SHROOM3: variants seen among roughly 807,000 people sequenced by gnomAD.
SHROOM3 encodes shroom family member 3.
In SHROOM3, 47 loss-of-function variants were observed where a neutral mutation model predicts 138.6. The ratio of observed to expected loss-of-function variants is 0.34; its 90% CI spans 0.27 to 0.43. The LOEUF (loss-of-function observed/expected upper bound fraction) is 0.43. Ranked by LOEUF, SHROOM3 falls within the 20% of genes least tolerant of loss-of-function variation. SHROOM3 has a pLI of 1.00. For missense variants in SHROOM3, 2,491 were observed against 2,596.5 expected, an observed-to-expected ratio of 0.96 and a Z score of 0.88; for synonymous variants, 1,062 against 1,063.3, an observed-to-expected ratio of 1.00 and a Z score of 0.02.
intron 2 of SHROOM3, among the ~76,000 whole-genome samples, chr4:76,585,326 T>C (rs1380218939): frequency 6.6e-6 from 1 of 152,238 alleles, no homozygotes; most frequent in Non-Finnish European, 1.5e-5. Context: ...TATTTTCCCA[T>C]CATGATGGCT....
intron 2 of SHROOM3, among the ~76,000 whole-genome samples, chr4:76,563,369 C>G (rs1016237704): frequency 1.3e-5 from 2 of 152,066 alleles, no homozygotes; most frequent in Non-Finnish European, 2.9e-5. Context: ...CCAACTAGGC[C>G]CAAGTTCAGA....
chr4:76,459,664 G>T (rs1424414182), intron 1 of SHROOM3, among the ~76,000 whole-genome samples: 1 of 151,956 alleles, frequency 6.6e-6, no homozygotes, highest in African/African-American at 2.4e-5. Context: ...TGCAGTCTAG[G>T]CTAAGGCACA....
chr4:76,612,055 C>T (rs928954248), intron 2 of SHROOM3, among the ~76,000 whole-genome samples: 9 of 152,218 alleles, frequency 5.9e-5, no homozygotes, highest in Non-Finnish European at 1.3e-4. Flanking sequence ...GCCTCTGCCT[C>T]CTCTCATTGT....
At chr4:76,707,323 T>C (rs1720086770) in intron 2 of SHROOM3, among the ~76,000 whole-genome samples, 1 of 152,212 alleles carries the variant, frequency 6.6e-6, no homozygotes, top group African/African-American at 2.4e-5. Context: ...CATGTGTGGT[T>C]TGAGCAAATT....
intron 2 of SHROOM3, among the ~76,000 whole-genome samples, chr4:76,623,569 T>G (rs1014771841): frequency 2.6e-5 from 4 of 152,232 alleles, no homozygotes; most frequent in Non-Finnish European, 5.9e-5. Context: ...ACATTCTACA[T>G]TTTTCTTATC....
In SHROOM3 at chr4:76,696,490, G is replaced by C. The variant is rs372898506; in HGVS notation, c.324-13666G>C. 7.2e-5 allele frequency among the ~76,000 whole-genome samples: 11 copies of C among 152,286 alleles called. No homozygotes were observed. In the East Asian group the frequency reaches 1.5e-3, roughly 21 times the overall value. ...CACAGTCCAGTACCTTCTCTTTGTCGTGGGTTCTATACCTTTCCCAGGCTT... is the reference window on the plus strand; with the variant it reads ...CACAGTCCAGTACCTTCTCTTTGTCCTGGGTTCTATACCTTTCCCAGGCTT... On this transcript the variant is annotated intron_variant, in intron 2 of 10. Transcript: ENST00000296043.
At chr4:76,623,868 A>G (rs938054287) in intron 2 of SHROOM3, among the ~76,000 whole-genome samples, 3 of 152,188 alleles carry the variant, frequency 2.0e-5, no homozygotes, top group Admixed American at 2.0e-4. Flanking sequence ...GGAGAAAGAT[A>G]TTCCTTGCAT....
chr4:76,598,241 TG>T (rs550927412), intron 2 of SHROOM3, among the ~76,000 whole-genome samples: 1 of 152,058 alleles, frequency 6.6e-6, no homozygotes, highest in African/African-American at 2.4e-5. Context: ...TTAGCCAGGA[TG>T]GTCTCGATCT....
intron 1 of SHROOM3, among the ~76,000 whole-genome samples, chr4:76,455,544 AT>A (rs1475146193): frequency 6.6e-6 from 1 of 152,076 alleles, no homozygotes; most frequent in Non-Finnish European, 1.5e-5. Flanking sequence ...TTAATACTGT[AT>A]AAAAAGAACT....
chr4:76,524,850 T>A (rs536737643), intron 1 of SHROOM3, among the ~76,000 whole-genome samples: 1 of 152,098 alleles, frequency 6.6e-6, no homozygotes, highest in Non-Finnish European at 1.5e-5. Flanking sequence ...GCTGATGAGA[T>A]GTGTAGGCTC....
intron 3 of SHROOM3, among the ~76,000 whole-genome samples, chr4:76,715,557 T>A (rs1044750317): frequency 6.6e-6 from 1 of 152,216 alleles, no homozygotes; most frequent in African/African-American, 2.4e-5. Context: ...AGCCGATGCT[T>A]TTCTCCATAA....
At chr4:76,645,974 C>T (rs1735804779) in intron 2 of SHROOM3, among the ~76,000 whole-genome samples, 2 of 151,970 alleles carry the variant, frequency 1.3e-5, no homozygotes. Flanking sequence ...GATACATTTT[C>T]CAACAGTCCC....
intron 5 of SHROOM3, among the ~76,000 whole-genome samples, chr4:76,743,410 A>G (rs1460854725): frequency 6.6e-6 from 1 of 152,220 alleles, no homozygotes; most frequent in Admixed American, 6.5e-5. Flanking sequence ...AAACAAAGTC[A>G]TCATGGAAAT....
At chr4:76,481,579 C>G (rs770951870) in intron 1 of SHROOM3, among the ~76,000 whole-genome samples, 2 of 151,774 alleles carry the variant, frequency 1.3e-5, no homozygotes, top group Non-Finnish European at 2.9e-5. Flanking sequence ...AGGAGCTGTA[C>G]CATTCCTTCT....
At chr4:76,713,198 A>C (rs112069224) in intron 3 of SHROOM3, among the ~76,000 whole-genome samples, 30 of 152,206 alleles carry the variant, frequency 2.0e-4, no homozygotes, top group African/African-American at 7.2e-4. Context: ...AGCTTACTGT[A>C]ACTTTATAAA....
Position 76,781,216 on chromosome 4 carries a change from C to T in SHROOM3, c.*2039C>T, listed in dbSNP as rs1252213020. 2.6e-5 allele frequency: 4 copies of T among 152,254 alleles called. 1 individual carries two copies. Among genetic ancestry groups the T allele is most frequent in the Admixed American group, 2.6e-4 (4 of 15,268 alleles). The allele number at this position is 152,254 out of a possible 1,614,324, so 9.4% of individuals were successfully genotyped here. A position where few individuals can be genotyped will look rare whatever the true frequency, so the allele number is the denominator to read the frequency against. ...GATAACAGCTCATTGCAGTCTGAAC[C>T]TCTGAGGCTCAAGCCATCCTCCCAT... On this transcript the variant is annotated 3_prime_UTR_variant, in exon 11 of 11. Coordinates refer to ENST00000296043, the MANE Select transcript of SHROOM3 (RefSeq NM_020859.4).
chr4:76,653,851 G>A (rs116205134), intron 2 of SHROOM3, among the ~76,000 whole-genome samples: 2,365 of 152,168 alleles, frequency 0.016, 29 homozygotes, highest in Middle Eastern at 0.082. Context: ...TGGCTTAGCT[G>A]AGCCACCATG....
chr4:76,511,185 A>AAAAAAT (rs1553919069), intron 1 of SHROOM3, among the ~76,000 whole-genome samples: 1 of 149,992 alleles, frequency 6.7e-6, no homozygotes, highest in Non-Finnish European at 1.5e-5. Flanking sequence ...TCCATCTCAA[A>AAAAAAT]AATAATAATA....
chr4:76,514,054 G>A (rs948174370), intron 1 of SHROOM3, among the ~76,000 whole-genome samples: 1 of 152,152 alleles, frequency 6.6e-6, no homozygotes, highest in Non-Finnish European at 1.5e-5. Context: ...ACTGGTTTAA[G>A]TAAAAAATAT....
Sources: allele counts gnomAD v4.1 joint callset (sites outside exome capture counted in the v4.1 genomes callset), GRCh38; gene constraint gnomAD v4.1.1; transcripts MANE v1.5; gene names NCBI Gene and HGNC (gene_info 2026-07-23, HGNC 2026-07-21).